Variants in PLA2G4C observed in about 807,000 individuals in gnomAD.
PLA2G4C encodes cytosolic phospholipase A2 gamma.
PLA2G4C carries 64 observed loss-of-function variants against 73.8 expected under a neutral mutation model. The ratio of observed to expected loss-of-function variants is 0.87; its 90% CI spans 0.71 to 1.07. PLA2G4C has a LOEUF of 1.07. PLA2G4C is among the 50% of genes least tolerant of loss of function. The pLI, the probability that PLA2G4C is intolerant of heterozygous loss-of-function variation, is 0.00. For missense variants in PLA2G4C, 622 were observed against 665.4 expected (o/e 0.93, Z 0.72); for synonymous variants, 254 against 252.1 (o/e 1.01, Z -0.07).
rs540128073 is a variant in PLA2G4C at position 48,055,475 on chromosome 19, A to C, written c.1258-426T>G. The stretch of plus-strand genomic sequence containing the variant: ...AGCTACTCAGGAAGCTGAGATGGGA[A>C]GATCATTTGAGCCCAGGAGCCCAAC... On this transcript the variant is annotated intron_variant, in intron 14 of 16. Coordinates refer to ENST00000599921, the MANE Select transcript of PLA2G4C (RefSeq NM_003706.3). Among the ~76,000 whole-genome samples the C allele has an allele frequency of 3.8e-4, 57 of 150,890 alleles. No homozygotes were observed. The South Asian group carries it at 9.0e-3, about 24-fold the overall frequency.
At chr19:48,060,411 T>C (rs1209765507) in intron 14 of PLA2G4C, among the ~76,000 whole-genome samples, 1 of 152,208 alleles carries the variant, frequency 6.6e-6, no homozygotes, top group Non-Finnish European at 1.5e-5. Flanking sequence ...CTTAGGTCTC[T>C]GAAGTCGTCT....
At chr19:48,074,065 C>T (rs765077161) in intron 12 of PLA2G4C, among the ~76,000 whole-genome samples, 32 of 152,082 alleles carry the variant, frequency 2.1e-4, no homozygotes, top group Non-Finnish European at 3.8e-4. Context: ...CGGTTTGCTG[C>T]ACCTATCAAC....
At chr19:48,051,399 T>C (rs1021461982) in intron 16 of PLA2G4C, among the ~76,000 whole-genome samples, 9 of 152,192 alleles carry the variant, frequency 5.9e-5, no homozygotes, top group Admixed American at 4.6e-4. Context: ...CACAGTTCCA[T>C]GTGGCTGGGG....
intron 14 of PLA2G4C, among the ~76,000 whole-genome samples, chr19:48,057,474 C>CTTT (rs1308682155): frequency 5.3e-4 from 9 of 16,852 alleles, no homozygotes; most frequent in East Asian, 2.1e-3. Flanking sequence ...TCTTCTTCTT[C>CTTT]TTCTTCTTCT....
chr19:48,097,946 G>A (rs1218710913), intron 6 of PLA2G4C, 193 bp downstream of exon 6: 3 of 537,776 alleles, frequency 5.6e-6, no homozygotes, highest in Non-Finnish European at 9.6e-6. Context: ...TCCATGCAAA[G>A]CAAGTGCATG....
At chr19:48,078,813 C>T (rs11564591) in intron 10 of PLA2G4C, among the ~76,000 whole-genome samples, 3,017 of 151,862 alleles carry the variant, frequency 0.02, 96 homozygotes, top group African/African-American at 0.068. Context: ...ATCTACAAGT[C>T]CAGTGTAATT....
intron 13 of PLA2G4C, among the ~76,000 whole-genome samples, chr19:48,067,199 C>T (rs528857859): frequency 5.3e-5 from 8 of 150,018 alleles, no homozygotes; most frequent in Admixed American, 4.0e-4. Context: ...GATGGTGTCT[C>T]GCTCTGTTGC....
At chr19:48,077,170 G>T (rs893076064) in intron 11 of PLA2G4C, among the ~76,000 whole-genome samples, 1 of 152,022 alleles carries the variant, frequency 6.6e-6, no homozygotes, top group Non-Finnish European at 1.5e-5. Flanking sequence ...TATATCTGAC[G>T]ACTATGTACA....
At chr19:48,055,521 A>G (rs1228662434) in intron 14 of PLA2G4C, among the ~76,000 whole-genome samples, 1 of 151,898 alleles carries the variant, frequency 6.6e-6, no homozygotes, top group South Asian at 2.1e-4. Context: ...GTATGGGTGC[A>G]TCTCATCACC....
chr19:48,053,224 C>T (rs113781966), intron 15 of PLA2G4C, 77 bp from the exon 16 acceptor site: 3 of 1,202,576 alleles, frequency 2.5e-6, no homozygotes, highest in Non-Finnish European at 1.2e-6. Flanking sequence ...TGTCTATTTA[C>T]ATCAGGGCTT....
At chr19:48,087,878 G>A (rs1032219098) in intron 9 of PLA2G4C, among the ~76,000 whole-genome samples, 6 of 151,668 alleles carry the variant, frequency 4.0e-5, no homozygotes, top group Non-Finnish European at 5.9e-5. Flanking sequence ...AGGTTGTGGG[G>A]TGAGCTGAGA....
chr19:48,099,464 C>T (rs916511772), intron 5 of PLA2G4C, among the ~76,000 whole-genome samples: 4 of 152,220 alleles, frequency 2.6e-5, no homozygotes, highest in Admixed American at 6.5e-5. Context: ...GTTGCATAAA[C>T]GAATCAGAGT....
intron 10 of PLA2G4C, among the ~76,000 whole-genome samples, chr19:48,079,782 G>A (rs1231411822): frequency 1.3e-5 from 2 of 152,154 alleles, no homozygotes; most frequent in African/African-American, 4.8e-5. Flanking sequence ...CCAACATGAC[G>A]AAACCCCATC....
intron 16 of PLA2G4C, among the ~76,000 whole-genome samples, chr19:48,050,831 T>C (rs1231198468): frequency 1.3e-5 from 2 of 151,880 alleles, no homozygotes; most frequent in Non-Finnish European, 2.9e-5. Flanking sequence ...TACACCACCA[T>C]GCCTTGCTAT....
At position 48,055,913 on chromosome 19, in the gene PLA2G4C, C is replaced by T. The variant is rs376278265; in HGVS notation, c.1258-864G>A. 5.3e-5 allele frequency among the ~76,000 whole-genome samples: 8 copies of T among 152,176 alleles called. No individual in the cohort carries two copies. In the South Asian group the frequency reaches 1.2e-3, roughly 24 times the overall value. On this transcript the variant is annotated intron_variant, in intron 14 of 16. Transcript: ENST00000599921. The stretch of plus-strand genomic sequence containing the variant: ...TGCTGGGATTACAGGCATGAGCCAC[C>T]GCGCCCGGCCGTAAAGGTACTTTTC...
At chr19:48,101,017 C>T (rs528934454) in intron 4 of PLA2G4C, among the ~76,000 whole-genome samples, 1 of 147,766 alleles carries the variant, frequency 6.8e-6, no homozygotes, top group Non-Finnish European at 1.5e-5. Context: ...TTATTTAGCT[C>T]ACAGTTCTGC....
intron 12 of PLA2G4C, among the ~76,000 whole-genome samples, chr19:48,071,594 G>T (rs1968660916): frequency 6.6e-6 from 1 of 151,712 alleles, no homozygotes; most frequent in Admixed American, 6.6e-5. Context: ...ACCACACCCG[G>T]CCATTCTATC....
chr19:48,052,862 C>T (rs567339017), intron 16 of PLA2G4C, 135 bp downstream of exon 16: 52 of 883,606 alleles, frequency 5.9e-5, no homozygotes, highest in South Asian at 1.3e-4. Context: ...CCTGCTGAGA[C>T]GCAAGCTCAA....
chr19:48,065,116 G>A (rs1464498182), intron 13 of PLA2G4C, among the ~76,000 whole-genome samples: 1 of 152,110 alleles, frequency 6.6e-6, no homozygotes, highest in Non-Finnish European at 1.5e-5. Flanking sequence ...AGGAGATCCT[G>A]AGAACATGTG....
Sources: allele counts gnomAD v4.1 joint callset (sites outside exome capture counted in the v4.1 genomes callset), GRCh38; gene constraint gnomAD v4.1.1; transcripts MANE v1.5; gene names NCBI Gene and HGNC (gene_info 2026-07-23, HGNC 2026-07-21).